CRYBG1: variants seen among roughly 807,000 people sequenced by gnomAD.
CRYBG1 encodes the protein beta/gamma crystallin domain-containing protein 1.
In CRYBG1, 139 loss-of-function variants were observed where a neutral mutation model predicts 189.2. That is an observed-to-expected ratio of 0.73 (90% CI 0.64 to 0.85). CRYBG1 has a LOEUF of 0.85. Among genes scored for constraint, CRYBG1 ranks in the 40% least tolerant of loss-of-function variants. CRYBG1 has a pLI of 0.00. For missense variants in CRYBG1, 2,611 were observed against 2,675.8 expected (o/e 0.98, Z 0.53); for synonymous variants, 1,023 against 1,017.1 (o/e 1.01, Z -0.11).
intron 1 of CRYBG1, among the ~76,000 whole-genome samples, chr6:106,409,667 A>G (rs915015675): frequency 3.3e-5 from 5 of 152,218 alleles, no homozygotes; most frequent in Non-Finnish European, 7.3e-5. Context: ...TACTGGTACC[A>G]AAACAGATAT....
intron 1 of CRYBG1, among the ~76,000 whole-genome samples, chr6:106,406,870 A>G (rs1029084508): frequency 4.1e-4 from 63 of 152,238 alleles, no homozygotes; most frequent in Admixed American, 1.4e-3. Context: ...CCTGCCTTAT[A>G]AGAGCTGAAG....
Position 106,519,785 on chromosome 6 carries a change from T to C in CRYBG1, c.2577T>C (p.Phe859=). The C allele has an allele frequency of 1.2e-6, 2 of 1,614,212 alleles. No homozygotes were observed. Among genetic ancestry groups the C allele is most frequent in the Non-Finnish European group, 1.7e-6 (2 of 1,180,034 alleles). ...CCATGCCAAAGCCACAGCATACATTTTCTGACTCACAGTCCCCTGCTGAGT... is the reference window on the plus strand; with the variant it reads ...CCATGCCAAAGCCACAGCATACATTCTCTGACTCACAGTCCCCTGCTGAGT... The part of the protein sequence containing the change: ...PTAMPKPQHT[F]SDSQSPAESS... The change falls in exon 4 of 22, where the codon TTT becomes TTC. Residue 859 remains phenylalanine, a synonymous_variant. Coordinates refer to ENST00000633556, the MANE Select transcript of CRYBG1 (RefSeq NM_001371242.2).
Position 106,377,621 on chromosome 6 carries a change from T to TTATATATATATATATATA in CRYBG1, c.173+16550_173+16567dup, listed in dbSNP as rs373644273. ...TGTGTAACTCATAAGTCCTAAGGTT[T>TTATATATATATATATATA]TATATATATATATATATATATATAT... On this transcript the variant is annotated intron_variant, in intron 1 of 21. Coordinates refer to ENST00000633556, the MANE Select transcript of CRYBG1 (RefSeq NM_001371242.2). 7.8e-3 allele frequency among the ~76,000 whole-genome samples: 540 copies of TTATATATATATATATATA among 69,416 alleles called. 27 individuals carry two copies. Among genetic ancestry groups the TTATATATATATATATATA allele is most frequent in the African/African-American group, 0.015 (411 of 27,998 alleles). The allele number at this position is 69,416 out of a possible 152,430, so 45.5% of individuals were successfully genotyped here.
In CRYBG1 at chr6:106,522,466, T is replaced by C. The variant is rs73520811; in HGVS notation, c.4245+1013T>C. Among the ~76,000 whole-genome samples the C allele has an allele frequency of 2.7e-3, 419 of 152,366 alleles. 4 individuals are homozygous for C. The highest frequency in any genetic ancestry group is 9.8e-3 in the African/African-American group (409 of 41,574). On this transcript the variant is annotated intron_variant, in intron 4 of 21. Coordinates refer to ENST00000633556, the MANE Select transcript of CRYBG1 (RefSeq NM_001371242.2). ...GATTTTGGGGAATAATTTTGATTTC[T>C]GCATCTTCTTTTATCTCACTTCAGA... is the stretch of plus-strand genomic sequence containing the variant.
chr6:106,361,920 T>C lies in CRYBG1; in HGVS notation c.173+839T>C, dbSNP rs533962542. Among the ~76,000 whole-genome samples, 525 of 149,284 alleles carry C rather than the reference T, an allele frequency of 3.5e-3. 1 individual carries two copies. The highest frequency in any genetic ancestry group is 6.6e-3 in the South Asian group (31 of 4,716). On this transcript the variant is annotated intron_variant, in intron 1 of 21. Coordinates refer to ENST00000633556, the MANE Select transcript of CRYBG1 (RefSeq NM_001371242.2). ...CACCCTATGAGGGCCAGAATAAAAT[T>C]GTGCAAAATTTGCATTTTAGACATG...
At chr6:106,518,967 ATG>A (rs1026678871) in intron 3 of CRYBG1, among the ~76,000 whole-genome samples, 162 bp from the exon 4 acceptor site, 4 of 57,278 alleles carry the variant, frequency 7.0e-5, no homozygotes, top group African/African-American at 2.4e-4. Flanking sequence ...TTAAAAACAC[ATG>A]TGTGCGCACA....
intron 13 of CRYBG1, among the ~76,000 whole-genome samples, chr6:106,549,832 C>T (rs1004405747): frequency 3.9e-5 from 6 of 151,970 alleles, no homozygotes; most frequent in African/African-American, 1.2e-4. Context: ...AATTACTGTA[C>T]TTGAGTTTTT....
At chr6:106,432,662 G>A (rs1771352701) in intron 1 of CRYBG1, among the ~76,000 whole-genome samples, 1 of 152,170 alleles carries the variant, frequency 6.6e-6, no homozygotes, top group Admixed American at 6.5e-5. Context: ...CAAAAAAATG[G>A]AGTTCTCTGG....
chr6:106,455,420 T>C (rs1413324739), intron 2 of CRYBG1, among the ~76,000 whole-genome samples: 1 of 151,880 alleles, frequency 6.6e-6, no homozygotes, highest in African/African-American at 2.4e-5. Context: ...AGTGCAAATG[T>C]CTTGATTCCA....
At chr6:106,449,702 T>A (rs1321169441) in intron 1 of CRYBG1, among the ~76,000 whole-genome samples, 1 of 152,196 alleles carries the variant, frequency 6.6e-6, no homozygotes, top group East Asian at 1.9e-4. Context: ...GAGCTATATG[T>A]GTTTCTCTTT....
chr6:106,491,893 C>T (rs1352169586), intron 2 of CRYBG1, among the ~76,000 whole-genome samples: 3 of 152,178 alleles, frequency 2.0e-5, no homozygotes, highest in Non-Finnish European at 4.4e-5. Context: ...ATCAATCATA[C>T]TTATTCAACC....
Position 106,539,394 on chromosome 6 carries a change from G to A in CRYBG1, c.4719-9G>A, listed in dbSNP as rs768595684. 3 of 1,613,138 alleles carry A rather than the reference G, an allele frequency of 1.9e-6. No individual in the cohort carries two copies. The highest frequency in any genetic ancestry group is 2.5e-6 in the Non-Finnish European group (3 of 1,179,704). Reference sequence around the variant, plus strand: ...GCTCCCTTTCTTTCCTTCCATGGTGGCTATTTAGGTGGCTGATTTATGAAG... The same window carrying A: ...GCTCCCTTTCTTTCCTTCCATGGTGACTATTTAGGTGGCTGATTTATGAAG... On this transcript the variant is annotated splice_polypyrimidine_tract_variant and intron_variant, in intron 8 of 21. Coordinates refer to ENST00000633556, the MANE Select transcript of CRYBG1 (RefSeq NM_001371242.2).
intron 1 of CRYBG1, among the ~76,000 whole-genome samples, chr6:106,425,507 C>A (rs143006270): frequency 1.7e-4 from 26 of 152,284 alleles, no homozygotes; most frequent in African/African-American, 6.0e-4. Flanking sequence ...TCCCTCACCC[C>A]CTATCTTATT....
chr6:106,405,833 T>A (rs940917361), intron 1 of CRYBG1, among the ~76,000 whole-genome samples: 2 of 152,130 alleles, frequency 1.3e-5, no homozygotes, highest in Non-Finnish European at 2.9e-5. Flanking sequence ...AGCATCAATG[T>A]CATCAAAAAG....
chr6:106,377,645 A>ATATATATATATATATATATATT (rs1562290483), intron 1 of CRYBG1, among the ~76,000 whole-genome samples: 4 of 136,846 alleles, frequency 2.9e-5, no homozygotes, highest in African/African-American at 1.1e-4. Context: ...ATATATATAT[A>ATATATATATATATATATATATT]TATTTTCATT....
chr6:106,437,869 C>T (rs1396359764), intron 1 of CRYBG1, among the ~76,000 whole-genome samples: 6 of 152,158 alleles, frequency 3.9e-5, no homozygotes, highest in African/African-American at 9.7e-5. Context: ...CAGGAATTAT[C>T]TTTGATATGG....
intron 2 of CRYBG1, among the ~76,000 whole-genome samples, chr6:106,462,509 A>C (rs2114454785): frequency 6.6e-6 from 1 of 152,326 alleles, no homozygotes; most frequent in Admixed American, 6.5e-5. Flanking sequence ...TTTAACTAGC[A>C]AAGTAAGTAA....
chr6:106,466,963 A>G (rs920182260), intron 2 of CRYBG1, among the ~76,000 whole-genome samples: 1 of 152,212 alleles, frequency 6.6e-6, no homozygotes, highest in Non-Finnish European at 1.5e-5. Flanking sequence ...ATAGAGAAAT[A>G]AAAAGCTTTG....
At chr6:106,374,194 A>G (rs1770101745) in intron 1 of CRYBG1, among the ~76,000 whole-genome samples, 1 of 152,178 alleles carries the variant, frequency 6.6e-6, no homozygotes, top group South Asian at 2.1e-4. Flanking sequence ...AGAAGCTGCA[A>G]TATTCACCAT....
Sources: gnomAD v4.1 joint callset for allele counts (sites outside exome capture counted in the v4.1 genomes callset) on GRCh38, gnomAD v4.1.1 for gene constraint, MANE v1.5 for transcripts, NCBI Gene and HGNC (gene_info 2026-07-23, HGNC 2026-07-21) for gene names.